DNAH2: variants seen among roughly 807,000 people sequenced by gnomAD.
The protein encoded by DNAH2 is dynein axonemal heavy chain 2, also known as axonemal beta dynein heavy chain 2.
A neutral mutation model predicts 523.5 loss-of-function variants in DNAH2; 323 were observed. The ratio of observed to expected loss-of-function variants is 0.62; its 90% CI spans 0.56 to 0.68. The LOEUF is 0.68. Among genes scored for constraint, DNAH2 ranks in the 30% least tolerant of loss-of-function variants. The probability of loss-of-function intolerance (pLI) is 0.00; values close to 1 mark genes in which losing one functional copy is unlikely to be tolerated. For missense variants in DNAH2, 4,907 were observed against 5,701.5 expected (o/e 0.86, Z 4.49); for synonymous variants, 2,093 against 2,177.4 (o/e 0.96, Z 1.08).
chr17:7,751,066 T>A (rs1485925879), intron 12 of DNAH2, among the ~76,000 whole-genome samples: 1 of 152,236 alleles, frequency 6.6e-6, no homozygotes, highest in East Asian at 1.9e-4. Context: ...TCCTTTGTGA[T>A]TAAAAAGTGC....
chr17:7,829,454 G>A (rs2078108407), intron 77 of DNAH2, among the ~76,000 whole-genome samples: 1 of 152,066 alleles, frequency 6.6e-6, no homozygotes, highest in Non-Finnish European at 1.5e-5. Context: ...GCATCTCCAG[G>A]AAAGTAAGAC....
rs1192354648 is a variant in DNAH2 at position 7,816,679 on chromosome 17, G to A, written c.9838G>A (p.Gly3280Arg). The A allele has an allele frequency of 6.2e-7, 1 of 1,614,242 alleles. No homozygotes were observed. Among genetic ancestry groups the A allele is most frequent in the Non-Finnish European group, 8.5e-7 (1 of 1,180,046 alleles). Reference sequence around the variant, plus strand: ...GATGGAGCTGAAGCTGGAGCGAGCTGGGATGCTCGTGTCGGGGTTGGCTGG... The same window carrying A: ...GATGGAGCTGAAGCTGGAGCGAGCTAGGATGCTCGTGTCGGGGTTGGCTGG... ...EEMELKLERA[G>R]MLVSGLAGEK... Residue 3280 changes from glycine (G) to arginine (R), a missense_variant, in exon 64 of 86, where the codon GGG (glycine) becomes AGG (arginine). Physicochemically the swap from Gly to Arg is moderately radical, Grantham distance 125. Coordinates refer to ENST00000572933, the MANE Select transcript of DNAH2 (RefSeq NM_020877.5).
chr17:7,721,441 T>C (rs2074603893), intron 2 of DNAH2, among the ~76,000 whole-genome samples: 1 of 152,214 alleles, frequency 6.6e-6, no homozygotes, highest in African/African-American at 2.4e-5. Context: ...CCCAAAGTGC[T>C]GGGATTACAG....
At position 7,799,196 on chromosome 17, in the gene DNAH2, A is replaced by G. The variant is rs765364407; in HGVS notation, c.8653A>G (p.Asn2885Asp). ...FAYLIERVQN[N>D]LHIVLCLSPM... is the part of the protein sequence containing the mutation. The stretch of plus-strand genomic sequence containing the variant: ...CTACCTCATTGAACGCGTGCAGAAC[A>G]ACCTGCACATCGTGCTCTGCCTCAG... The change falls in exon 56 of 86, where the codon AAC becomes GAC. Residue 2885 changes from asparagine (N) to aspartate (D), a missense_variant. Asn to Asp is a conservative substitution (Grantham distance 23, BLOSUM62 1). Around this residue, in one of 3 missense-constraint regions of DNAH2, gnomAD observed 1,851 missense variants for 2,139.4 expected, o/e 0.87. Transcript: ENST00000572933. The G allele has an allele frequency of 6.2e-7, 1 of 1,614,214 alleles. No homozygotes were observed. Among genetic ancestry groups the G allele is most frequent in the Non-Finnish European group, 8.5e-7 (1 of 1,180,038 alleles).
At chr17:7,728,113 T>C (rs897246884) in intron 4 of DNAH2, among the ~76,000 whole-genome samples, 1 of 152,190 alleles carries the variant, frequency 6.6e-6, no homozygotes, top group Non-Finnish European at 1.5e-5. Flanking sequence ...GAGAGTGCTA[T>C]TGAAGTCTTT....
intron 20 of DNAH2, among the ~76,000 whole-genome samples, chr17:7,764,840 AT>A (rs35687021): frequency 0.012 from 326 of 26,268 alleles, 1 homozygote; most frequent in Non-Finnish European, 0.017. Flanking sequence ...CAGCTTTTGG[AT>A]TTTTTTTTTT....
rs765854142 is a variant in DNAH2, at chr17:7,823,922, C to T, written c.11418C>T (p.Ser3806=). 3 of 1,613,978 alleles carry T rather than the reference C, an allele frequency of 1.9e-6. No individual in the cohort carries two copies. The highest frequency in any genetic ancestry group is 2.5e-6 in the Non-Finnish European group (3 of 1,179,986). The change falls in exon 75 of 86, where the codon TCC becomes TCT. Residue 3806 remains serine, a synonymous_variant. Coordinates refer to ENST00000572933, the MANE Select transcript of DNAH2 (RefSeq NM_020877.5). ...RQDRVAFCVT[S]FIITNLGSRF... ...ACCGCGTGGCCTTCTGCGTGACCTC[C>T]TTCATCATCACCAACCTTGGCTCCC... is the stretch of plus-strand genomic sequence containing the variant.
chr17:7,739,782 G>C lies in DNAH2; in HGVS notation c.1220G>C (p.Gly407Ala), dbSNP rs757442029. 1.2e-6 allele frequency: 2 copies of C among 1,613,822 alleles called. No individual in the cohort carries two copies. Among genetic ancestry groups the C allele is most frequent in the Admixed American group, 3.3e-5 (2 of 59,990 alleles). Residue 407 changes from glycine to alanine, a missense_variant, in exon 9 of 86, where the codon GGT becomes GCT. This residue lies in a region of DNAH2 where 2,806 missense variants were observed against 3,190.8 expected (regional missense o/e 0.88). Transcript: ENST00000572933. ...HFARWEDGKQGPLPCFFGAQG... is the reference protein window; with the variant it reads ...HFARWEDGKQAPLPCFFGAQG... ...GCCCGCTGGGAAGATGGCAAGCAGGGTCCCCTTCCTTGCTTCTTTGGTGCC... is the reference window on the plus strand; with the variant it reads ...GCCCGCTGGGAAGATGGCAAGCAGGCTCCCCTTCCTTGCTTCTTTGGTGCC...
At chr17:7,759,272 C>G in intron 15 of DNAH2, 148 bp downstream of exon 15, 1 of 1,427,570 alleles carries the variant, frequency 7.0e-7, no homozygotes, top group Non-Finnish European at 9.4e-7. Context: ...CTCAGCCAAC[C>G]TTCAGTCCTC....
intron 28 of DNAH2, among the ~76,000 whole-genome samples, chr17:7,773,917 A>G (rs543718834): frequency 2.6e-5 from 4 of 151,884 alleles, no homozygotes; most frequent in African/African-American, 4.8e-5. Flanking sequence ...TTTAGTAGAG[A>G]TGGGATTTTA....
intron 39 of DNAH2, among the ~76,000 whole-genome samples, chr17:7,782,325 C>T (rs914464431): frequency 2.0e-5 from 3 of 152,056 alleles, no homozygotes; most frequent in African/African-American, 4.8e-5. Context: ...AAGAAAAAGA[C>T]CAAATTTTCT....
rs778381612 is a variant in DNAH2, at chr17:7,734,483, C to T, written c.753C>T (p.His251=). ...LVQRLETSMI[H]WTRQIKEMLS... is the part of the protein sequence containing the mutation. ...TCTCCCCTGCAGCCTCCATGATCCA[C>T]TGGACCCGGCAGATAAAGGAGATGC... The change falls in exon 7 of 86, where the codon CAC becomes CAT. Residue 251 remains histidine, a synonymous_variant. Transcript: ENST00000572933. 2.5e-5 allele frequency: 41 copies of T among 1,613,816 alleles called. No individual in the cohort carries two copies. Among genetic ancestry groups the T allele is most frequent in the Admixed American group, 1.7e-4 (10 of 59,934 alleles).
At chr17:7,818,232 G>A in intron 68 of DNAH2, 80 bp from the exon 69 acceptor site, 4 of 1,597,716 alleles carry the variant, frequency 2.5e-6, no homozygotes, top group Non-Finnish European at 3.4e-6. Flanking sequence ...CTGAGTCGCT[G>A]CCCCTGGATG....
chr17:7,804,240 C>A lies in DNAH2; in HGVS notation c.8973-16C>A. ...AAGCCCCGCCTCTCCACACCCTGTC[C>A]TATTCTTTCCCCCAGGTTGCTGGGA... On this transcript the variant is annotated splice_polypyrimidine_tract_variant and intron_variant, in intron 58 of 85. Transcript: ENST00000572933. The A allele has an allele frequency of 1.2e-6, 2 of 1,613,598 alleles. No individual in the cohort carries two copies. The highest frequency in any genetic ancestry group is 2.2e-5 in the South Asian group (2 of 91,020).
chr17:7,757,750 G>T lies in DNAH2; in HGVS notation c.2051+513G>T, dbSNP rs530680841. ...ACAAACATTTATTTCTCACAGTTCTGGGGGCTGGTGAGTCCAAGAGCAAGG... is the reference window on the plus strand; with the variant it reads ...ACAAACATTTATTTCTCACAGTTCTTGGGGCTGGTGAGTCCAAGAGCAAGG... On this transcript the variant is annotated intron_variant, in intron 13 of 85. Coordinates refer to ENST00000572933, the MANE Select transcript of DNAH2 (RefSeq NM_020877.5). Among the ~76,000 whole-genome samples the T allele has an allele frequency of 3.9e-5, 6 of 152,272 alleles. No homozygotes were observed. The East Asian group carries it at 1.2e-3, about 29-fold the overall frequency.
At chr17:7,823,725 G>A (rs187132000) in intron 74 of DNAH2, 97 bp downstream of exon 74, 8 of 1,577,996 alleles carry the variant, frequency 5.1e-6, no homozygotes, top group African/African-American at 2.7e-5. Flanking sequence ...CTCCCAGCTG[G>A]TGCCTGCCTC....
chr17:7,821,151 G>A lies in DNAH2; in HGVS notation c.11016-92G>A. The stretch of plus-strand genomic sequence containing the variant: ...TAGAGGCTGGTGAGGTCCTCTGTGT[G>A]AAGCTGTGTGATAGTAGCATCATAG... On this transcript the variant is annotated intron_variant, in intron 72 of 85. Coordinates refer to ENST00000572933, the MANE Select transcript of DNAH2 (RefSeq NM_020877.5). This position sits in a 1 kb window ranked among gnomAD's most constrained non-coding sequence, Gnocchi z 5.0. The A allele has an allele frequency of 3.9e-6, 6 of 1,522,688 alleles. No individual in the cohort carries two copies. In the Middle Eastern group the frequency reaches 5.4e-4, roughly 137 times the overall value. The allele number at this position is 1,522,688 out of a possible 1,614,324, so 94.3% of individuals were successfully genotyped here. A position where few individuals can be genotyped will look rare whatever the true frequency, so the allele number is the denominator to read the frequency against.
Position 7,824,306 on chromosome 17 carries a change from T to G in DNAH2, c.11662+2T>G. 6.6e-7 allele frequency: 1 copy of G among 1,513,488 alleles called. No individual in the cohort carries two copies. The highest frequency in any genetic ancestry group is 1.3e-5 in the South Asian group (1 of 76,028). The allele number at this position is 1,513,488 out of a possible 1,614,324, so 93.8% of individuals were successfully genotyped here. On this transcript the variant is annotated splice_donor_variant, in intron 76 of 85. Coordinates refer to ENST00000572933, the MANE Select transcript of DNAH2 (RefSeq NM_020877.5). LOFTEE classifies it high-confidence loss of function. ...TCCTCCGAGAGGGTGTGACTCAGGG[T>G]TGGTGTCCATCCTTTCTTCCACCCC...
chr17:7,770,713 AG>A, intron 26 of DNAH2, 39 bp from the exon 27 acceptor site: 12 of 1,613,830 alleles, frequency 7.4e-6, no homozygotes, highest in Non-Finnish European at 9.3e-6. Flanking sequence ...AAGGTTGGGC[AG>A]GTGGGGATGA....
Sources: gnomAD v4.1 joint callset for allele counts (sites outside exome capture counted in the v4.1 genomes callset) on GRCh38, gnomAD v4.1.1 for gene constraint, gnomAD v4.1.1 regional missense constraint, Gnocchi (gnomAD v3.1) non-coding constraint, MANE v1.5 for transcripts, NCBI Gene and HGNC (gene_info 2026-07-23, HGNC 2026-07-21) for gene names.